The following GRM6 variants were observed in gnomAD, a reference collection of about 807,000 sequenced individuals.
GRM6 encodes metabotropic glutamate receptor 6.
GRM6 carries 73 observed loss-of-function variants against 78.4 expected under a neutral mutation model. The observed-to-expected ratio is 0.93, with a 90% CI of 0.77 to 1.13. GRM6 has a LOEUF of 1.13. Among genes scored for constraint, GRM6 ranks in the 50% most tolerant of loss-of-function variants. The probability of loss-of-function intolerance (pLI) is 0.00; values close to 1 mark genes in which losing one functional copy is unlikely to be tolerated. For missense variants in GRM6, 1,251 were observed against 1,256.4 expected, an observed-to-expected ratio of 1.00 and a Z score of 0.07; for synonymous variants, 580 against 555.0, an observed-to-expected ratio of 1.05 and a Z score of -0.63.
In GRM6 at chr5:178,994,972, C is replaced by A; in HGVS notation, c.-16-12G>T. On this transcript the variant is annotated splice_polypyrimidine_tract_variant and intron_variant, in intron 1 of 10. Transcript: ENST00000517717. Reference sequence around the variant, plus strand: ...GCTCGTCTAGCGGGCTGCGGGGAGACAGAGGGGCGGGGAGCGCTCTGAGGG... The same window carrying A: ...GCTCGTCTAGCGGGCTGCGGGGAGAAAGAGGGGCGGGGAGCGCTCTGAGGG... 1.7e-6 allele frequency: 2 copies of A among 1,149,586 alleles called. No homozygotes were observed. Among genetic ancestry groups the A allele is most frequent in the Non-Finnish European group, 1.1e-6 (1 of 934,398 alleles). The allele number at this position is 1,149,586 out of a possible 1,614,324, so 71.2% of individuals were successfully genotyped here.
intron 5 of GRM6, chr5:178,989,700 C>CGA: frequency 3.9e-5 from 20 of 506,982 alleles, no homozygotes; most frequent in Admixed American, 1.6e-4. Flanking sequence ...AAACTCAGAG[C>CGA]CTCACCATTT....
intron 9 of GRM6, chr5:178,985,247 G>T: frequency 2.2e-6 from 1 of 456,440 alleles, no homozygotes; most frequent in Non-Finnish European, 4.4e-6. Flanking sequence ...AGAGCATTTT[G>T]GTTTAGAAAA....
rs1443073414 is a variant in GRM6, at chr5:178,979,377, G to T, written c.*2280C>A. On this transcript the variant is annotated 3_prime_UTR_variant, in exon 11 of 11. Coordinates refer to ENST00000517717, the MANE Select transcript of GRM6 (RefSeq NM_000843.4). ...CTGGAAGGAGAGAAACCTTGTGAAG[G>T]TACTAAATATGACAACATCTTCAGT... 2 of 152,228 alleles carry T rather than the reference G, an allele frequency of 1.3e-5. No homozygotes were observed. Among genetic ancestry groups the T allele is most frequent in the African/African-American group, 4.8e-5 (2 of 41,446 alleles). The allele number at this position is 152,228 out of a possible 1,614,324, so 9.4% of individuals were successfully genotyped here.
At position 178,981,908 on chromosome 5, in the gene GRM6, G is replaced by A. The variant is rs1052752901; in HGVS notation, c.2437-54C>T. 2.1e-5 allele frequency: 22 copies of A among 1,057,082 alleles called. No individual in the cohort carries two copies. The East Asian group carries it at 2.6e-4, about 13-fold the overall frequency. The allele number at this position is 1,057,082 out of a possible 1,614,324, so 65.5% of individuals were successfully genotyped here. A position where few individuals can be genotyped will look rare whatever the true frequency, so the allele number is the denominator to read the frequency against. On this transcript the variant is annotated intron_variant, in intron 10 of 10. Coordinates refer to ENST00000517717, the MANE Select transcript of GRM6 (RefSeq NM_000843.4). The surrounding 1 kb of genome is among the most constrained non-coding windows in gnomAD (Gnocchi z 5.1). The stretch of plus-strand genomic sequence containing the variant: ...GACTCAGCCCTGCTCTCCCTGCCCC[G>A]CTCCACACAGTCCTCACCACATACT...
At position 178,983,104 on chromosome 5, in the gene GRM6, C is replaced by G. The variant is rs764934286; in HGVS notation, c.2242G>C (p.Asp748His). ...CCCAGGCAGCCGATGAGAGACAGAT[C>G]CGACATGTCGCACTTGAGCACCCCT... is the stretch of plus-strand genomic sequence containing the variant. ...ARGVLKCDMSDLSLIGCLGYS... is the reference protein window; with the variant it reads ...ARGVLKCDMSHLSLIGCLGYS... Residue 748 changes from aspartate to histidine, a missense_variant, in exon 10 of 11, where the codon GAT becomes CAT. Transcript: ENST00000517717. 4 of 1,613,954 alleles carry G rather than the reference C, an allele frequency of 2.5e-6. No homozygotes were observed. Among genetic ancestry groups the G allele is most frequent in the Non-Finnish European group, 3.4e-6 (4 of 1,180,006 alleles).
In GRM6 at chr5:178,988,150, G is replaced by C. The variant is rs1423800124; in HGVS notation, c.1354+785C>G. 6.6e-6 allele frequency among the ~76,000 whole-genome samples: 1 copy of C among 152,082 alleles called. No homozygotes were observed. Reference sequence around the variant, plus strand: ...TATGTATTTTATCACAATTAAAAATGAAAAAAGTTTCACTGTCCAGGCGAG... The same window carrying C: ...TATGTATTTTATCACAATTAAAAATCAAAAAAGTTTCACTGTCCAGGCGAG... On this transcript the variant is annotated intron_variant, in intron 7 of 10. Transcript: ENST00000517717. This position sits in a 1 kb window ranked among gnomAD's most constrained non-coding sequence, Gnocchi z 6.0.
chr5:178,981,848 T>A lies in GRM6; in HGVS notation c.2443A>T (p.Ile815Phe). 2 of 1,608,360 alleles carry A rather than the reference T, an allele frequency of 1.2e-6. No homozygotes were observed. Among genetic ancestry groups the A allele is most frequent in the Non-Finnish European group, 1.7e-6 (2 of 1,174,898 alleles). The change falls in exon 11 of 11, where the codon ATC (isoleucine) becomes TTC (phenylalanine). Residue 815 changes from isoleucine (I) to phenylalanine (F), a missense_variant. Ile to Phe is a conservative substitution (Grantham distance 21, BLOSUM62 0). Transcript: ENST00000517717. This position sits in a 1 kb window ranked among gnomAD's most constrained non-coding sequence, Gnocchi z 5.1. The stretch of plus-strand genomic sequence containing the variant: ...GACACGGTTAGCGTGGTTGTCTGGA[T>A]GTAGATCTAGGCCATGGAAGAGGGG... ...GTAQSAEKIY[I>F]QTTTLTVSLS...
rs1194086257 is a variant in GRM6, at chr5:178,988,688, T to A, written c.1354+247A>T. On this transcript the variant is annotated intron_variant, in intron 7 of 10. Coordinates refer to ENST00000517717, the MANE Select transcript of GRM6 (RefSeq NM_000843.4). This position sits in a 1 kb window ranked among gnomAD's most constrained non-coding sequence, Gnocchi z 6.0. Reference sequence around the variant, plus strand: ...CACTGGGGGTTCCTGGCAGAAGGGATCAGAGAAGCTCCCCAGCATCTGAAC... The same window carrying A: ...CACTGGGGGTTCCTGGCAGAAGGGAACAGAGAAGCTCCCCAGCATCTGAAC... Among the ~76,000 whole-genome samples, 3 of 152,006 alleles carry A rather than the reference T, an allele frequency of 2.0e-5. No individual in the cohort carries two copies. Among genetic ancestry groups the A allele is most frequent in the African/African-American group, 7.2e-5 (3 of 41,392 alleles).
At position 178,994,545 on chromosome 5, in the gene GRM6, C is replaced by T; in HGVS notation, c.400G>A (p.Val134Ile). 2.9e-6 allele frequency: 4 copies of T among 1,366,348 alleles called. No homozygotes were observed. Among genetic ancestry groups the T allele is most frequent in the Non-Finnish European group, 3.8e-6 (4 of 1,066,658 alleles). The allele number at this position is 1,366,348 out of a possible 1,614,324, so 84.6% of individuals were successfully genotyped here. ...DEVGVRCPGG[V>I]PPLRPAPPER... ...GGGGGCGCGGGGCGCAGCGGAGGGACGCCTCCCGGGCAGCGCACGCCCACC... is the reference window on the plus strand; with the variant it reads ...GGGGGCGCGGGGCGCAGCGGAGGGATGCCTCCCGGGCAGCGCACGCCCACC... The change falls in exon 2 of 11, where the codon GTC becomes ATC. Residue 134 changes from valine to isoleucine, a missense_variant. Physicochemically the swap from Val to Ile is conservative, Grantham distance 29. Transcript: ENST00000517717.
Position 178,990,421 on chromosome 5 carries a change from C to A in GRM6, c.1012+171G>T, listed in dbSNP as rs560286354. ...TGCTTTCCTCGCACGCCATCCCAGT[C>A]AAGCGCTGCTTGGAGGGACGCGTCC... On this transcript the variant is annotated intron_variant, in intron 5 of 10. Coordinates refer to ENST00000517717, the MANE Select transcript of GRM6 (RefSeq NM_000843.4). Among the ~76,000 whole-genome samples, 317 of 152,388 alleles carry A rather than the reference C, an allele frequency of 2.1e-3. 2 individuals carry two copies. The highest frequency in any genetic ancestry group is 0.013 in the South Asian group (61 of 4,834).
intron 9 of GRM6, among the ~76,000 whole-genome samples, chr5:178,985,040 A>G (rs1760482887): frequency 6.6e-6 from 1 of 152,104 alleles, no homozygotes; most frequent in Admixed American, 6.5e-5. Flanking sequence ...CCCCCAAAGG[A>G]GCTCCATTAT....
At position 178,981,862 on chromosome 5, in the gene GRM6, A is replaced by G. The variant is rs1289248162; in HGVS notation, c.2437-8T>C. The G allele has an allele frequency of 1.3e-6, 2 of 1,584,594 alleles. No homozygotes were observed. The highest frequency in any genetic ancestry group is 1.7e-5 in the Admixed American group (1 of 59,968). ...GGTTGTCTGGATGTAGATCTAGGCC[A>G]TGGAAGAGGGGACCAGATGGGACTC... is the stretch of plus-strand genomic sequence containing the variant. On this transcript the variant is annotated splice_region_variant and splice_polypyrimidine_tract_variant and intron_variant, in intron 10 of 10. Coordinates refer to ENST00000517717, the MANE Select transcript of GRM6 (RefSeq NM_000843.4). The surrounding 1 kb of genome is among the most constrained non-coding windows in gnomAD (Gnocchi z 5.1).
rs1245878940 is a variant in GRM6 at position 178,983,382 on chromosome 5, G to C, written c.2125-161C>G. The C allele has an allele frequency of 1.1e-5, 8 of 736,704 alleles. No individual in the cohort carries two copies. In the East Asian group the frequency reaches 1.9e-4, roughly 17 times the overall value. 45.6% of individuals were successfully genotyped at this position (736,704 alleles called of 1,614,324 possible). A position where few individuals can be genotyped will look rare whatever the true frequency, so the allele number is the denominator to read the frequency against. The stretch of plus-strand genomic sequence containing the variant: ...GCTCTCAGGAGCACTCAGTGGAGAA[G>C]AGGGGATGGCAGCCCAGGCAGGGGC... On this transcript the variant is annotated intron_variant, in intron 9 of 10. Coordinates refer to ENST00000517717, the MANE Select transcript of GRM6 (RefSeq NM_000843.4).
In GRM6 at chr5:178,978,427, T is replaced by A. The variant is rs1253092906; in HGVS notation, c.*3230A>T. 2 of 152,148 alleles carry A rather than the reference T, an allele frequency of 1.3e-5. No homozygotes were observed. The highest frequency in any genetic ancestry group is 4.8e-5 in the African/African-American group (2 of 41,420). 9.4% of individuals were successfully genotyped at this position (152,148 alleles called of 1,614,324 possible). A position where few individuals can be genotyped will look rare whatever the true frequency, so the allele number is the denominator to read the frequency against. ...ATGAATGTAATAAATTAAAGGGAAA[T>A]TTCTAAAGAGCAAAAAGGATAAGAA... On this transcript the variant is annotated 3_prime_UTR_variant, in exon 11 of 11. Transcript: ENST00000517717.
Position 178,978,636 on chromosome 5 carries a change from C to T in GRM6, c.*3021G>A, listed in dbSNP as rs1447509835. On this transcript the variant is annotated 3_prime_UTR_variant, in exon 11 of 11. Transcript: ENST00000517717. ...TCTTACTCTGCTTTAGAGCTCTCAT[C>T]CCAGAGAGGAACACTGCAATTTTAA... 1 of 152,166 alleles carries T rather than the reference C, an allele frequency of 6.6e-6. No individual in the cohort carries two copies. The highest frequency in any genetic ancestry group is 2.4e-5 in the African/African-American group (1 of 41,436). 9.4% of individuals were successfully genotyped at this position (152,166 alleles called of 1,614,324 possible). A position where few individuals can be genotyped will look rare whatever the true frequency, so the allele number is the denominator to read the frequency against.
chr5:178,986,764 C>T lies in GRM6; in HGVS notation c.1501-11G>A. On this transcript the variant is annotated splice_polypyrimidine_tract_variant and intron_variant, in intron 8 of 10. Transcript: ENST00000517717. ...CTGCAGGGCCTCCACCTGGGACGCA[C>T]AAAACACAGGCTGGGGCGTCTGCCT... 1 of 1,609,694 alleles carries T rather than the reference C, an allele frequency of 6.2e-7. No homozygotes were observed. The highest frequency in any genetic ancestry group is 8.5e-7 in the Non-Finnish European group (1 of 1,179,550).
At chr5:178,984,972 G>T (rs369211756) in intron 9 of GRM6, among the ~76,000 whole-genome samples, 2 of 152,052 alleles carry the variant, frequency 1.3e-5, no homozygotes, top group Admixed American at 6.5e-5. Context: ...CATCCAGGGC[G>T]CCCCAGACTC....
chr5:178,994,425 GC>G lies in GRM6; in HGVS notation c.504+15del. ...AGAGGGACGCTGGACACCGAGCCCG[GC>G]CCCGCGGCCCTCACCGCAAACAGGC... is the stretch of plus-strand genomic sequence containing the variant. On this transcript the variant is annotated intron_variant, in intron 2 of 10. Transcript: ENST00000517717. 1 of 1,489,600 alleles carries G rather than the reference GC, an allele frequency of 6.7e-7. No homozygotes were observed. The highest frequency in any genetic ancestry group is 1.3e-5 in the South Asian group (1 of 79,624). 92.3% of individuals were successfully genotyped at this position (1,489,600 alleles called of 1,614,324 possible). A position where few individuals can be genotyped will look rare whatever the true frequency, so the allele number is the denominator to read the frequency against.
intron 5 of GRM6, 24 bp from the exon 6 acceptor site, chr5:178,989,429 G>C (rs200252791): frequency 3.7e-6 from 6 of 1,613,716 alleles, no homozygotes; most frequent in Middle Eastern, 1.7e-4. Context: ...AGAAGGGGGA[G>C]GGTGGCGCTG....
Sources: allele counts gnomAD v4.1 joint callset (sites outside exome capture counted in the v4.1 genomes callset), GRCh38; gene constraint gnomAD v4.1.1; non-coding constraint Gnocchi (gnomAD v3.1); transcripts MANE v1.5; gene names NCBI Gene and HGNC (gene_info 2026-07-23, HGNC 2026-07-21).